The following ANKRD31 variants were observed in gnomAD, a reference collection of about 807,000 sequenced individuals.
ANKRD31 encodes ankyrin repeat domain 31, also known as ankyrin repeat domain-containing protein 31.
A neutral mutation model predicts 186.0 loss-of-function variants in ANKRD31; 147 were observed. The ratio of observed to expected loss-of-function variants is 0.79; its 90% CI spans 0.69 to 0.91. ANKRD31 has a LOEUF of 0.91. Among genes scored for constraint, ANKRD31 ranks in the 40% least tolerant of loss-of-function variants. ANKRD31 has a pLI of 0.00. For synonymous variants in ANKRD31, 673 were observed against 736.4 expected, an observed-to-expected ratio of 0.91 and a Z score of 1.39; for missense variants, 1,986 against 2,148.8, an observed-to-expected ratio of 0.92 and a Z score of 1.50.
rs371765527 is a variant in ANKRD31 at position 75,194,299 on chromosome 5, G to A, written c.1018-708C>T. Reference sequence around the variant, plus strand: ...AAGAGGGTTTATTTTTTTTCCTTTCGAAGACTTGCTAAATTCATATTCACT... The same window carrying A: ...AAGAGGGTTTATTTTTTTTCCTTTCAAAGACTTGCTAAATTCATATTCACT... On this transcript the variant is annotated intron_variant, in intron 7 of 25. Coordinates refer to ENST00000506364, the MANE Select transcript of ANKRD31 (RefSeq NM_001372053.1). 4.9e-4 allele frequency among the ~76,000 whole-genome samples: 75 copies of A among 151,534 alleles called. No individual in the cohort carries two copies. The East Asian group carries it at 8.3e-3, about 17-fold the overall frequency.
intron 25 of ANKRD31, among the ~76,000 whole-genome samples, chr5:75,075,171 C>T (rs1408755744): frequency 6.6e-6 from 1 of 152,186 alleles, no homozygotes; most frequent in African/African-American, 2.4e-5. Flanking sequence ...CTGTAAGCCC[C>T]AGTCTGTGCT....
Position 75,154,339 on chromosome 5 carries a change from C to T in ANKRD31, c.1714G>A (p.Glu572Lys). 6.5e-7 allele frequency: 1 copy of T among 1,528,040 alleles called. No individual in the cohort carries two copies. The highest frequency in any genetic ancestry group is 1.4e-5 in the African/African-American group (1 of 72,542). The allele number at this position is 1,528,040 out of a possible 1,614,324, so 94.7% of individuals were successfully genotyped here. A position where few individuals can be genotyped will look rare whatever the true frequency, so the allele number is the denominator to read the frequency against. The stretch of plus-strand genomic sequence containing the variant: ...TCAGCTCCATTCAGAAGAAGTAACT[C>T]TGCCACCTAGAAAAAGGTTATTTAT... ...AVMNGHYKVA[E>K]LLLLNGADPL... The change falls in exon 12 of 26, where the codon GAG becomes AAG. Residue 572 changes from glutamate to lysine, a missense_variant. Physicochemically the swap from Glu to Lys is moderately conservative, Grantham distance 56. Coordinates refer to ENST00000506364, the MANE Select transcript of ANKRD31 (RefSeq NM_001372053.1).
At chr5:75,233,235 G>A (rs1758062348) in intron 1 of ANKRD31, among the ~76,000 whole-genome samples, 2 of 151,628 alleles carry the variant, frequency 1.3e-5, no homozygotes, top group South Asian at 4.2e-4. Flanking sequence ...GTTAATTTTT[G>A]TATTTTTAAT....
chr5:75,231,629 G>C (rs573909226), intron 1 of ANKRD31, among the ~76,000 whole-genome samples: 2 of 152,196 alleles, frequency 1.3e-5, no homozygotes, highest in Middle Eastern at 3.4e-3. Flanking sequence ...AATACAAATA[G>C]CCAACAAGTA....
intron 22 of ANKRD31, among the ~76,000 whole-genome samples, chr5:75,099,191 T>A (rs1349225152): frequency 6.6e-6 from 1 of 152,206 alleles, no homozygotes; most frequent in Non-Finnish European, 1.5e-5. Context: ...GAGATAATCA[T>A]GGGGTTTTTG....
At position 75,179,502 on chromosome 5, in the gene ANKRD31, C is replaced by T. The variant is rs1235739509; in HGVS notation, c.1564+8991G>A. 4.4e-4 allele frequency among the ~76,000 whole-genome samples: 67 copies of T among 152,062 alleles called. 1 individual carries two copies. The highest frequency in any genetic ancestry group is 4.2e-3 in the Admixed American group (64 of 15,258). On this transcript the variant is annotated intron_variant, in intron 10 of 25. Transcript: ENST00000506364. ...AATCCTCAATAAAATACTGGCAAAC[C>T]GAATCCAACAGCACATCAAAAAGTT...
intron 6 of ANKRD31, 133 bp from the exon 7 acceptor site, chr5:75,196,333 C>T: frequency 1.5e-6 from 1 of 680,056 alleles, no homozygotes; most frequent in African/African-American, 1.9e-5. Context: ...TCCTTCCCTT[C>T]CATAAATAAA....
intron 4 of ANKRD31, among the ~76,000 whole-genome samples, chr5:75,209,767 T>C (rs1329728504): frequency 1.3e-5 from 2 of 152,206 alleles, no homozygotes; most frequent in East Asian, 3.8e-4. Context: ...AAAATATATA[T>C]ACTCAAAGGT....
In ANKRD31 at chr5:75,190,493, C is replaced by T. The variant is rs1443187625; in HGVS notation, c.1409-1845G>A. ...TTGTGTGGTGAACTGGTATTATTTC[C>T]CCCTTATATATTTTGTAGAATTCAC... On this transcript the variant is annotated intron_variant, in intron 9 of 25. Transcript: ENST00000506364. 2.0e-5 allele frequency among the ~76,000 whole-genome samples: 3 copies of T among 151,642 alleles called. No individual in the cohort carries two copies. The East Asian group carries it at 5.8e-4, about 29-fold the overall frequency.
intron 22 of ANKRD31, 109 bp from the exon 23 acceptor site, chr5:75,091,510 A>C: frequency 1.0e-6 from 1 of 983,082 alleles, no homozygotes; most frequent in Non-Finnish European, 1.4e-6. Flanking sequence ...CTAACACCTG[A>C]TGTATTTTTG....
intron 10 of ANKRD31, among the ~76,000 whole-genome samples, chr5:75,179,382 G>C (rs577823587): frequency 7.9e-5 from 12 of 152,210 alleles, no homozygotes; most frequent in Admixed American, 7.8e-4. Context: ...TAACTCATTT[G>C]ATGAGGCCAG....
At position 75,146,957 on chromosome 5, in the gene ANKRD31, A is replaced by T. The variant is rs1249400590; in HGVS notation, c.2454T>A (p.Ser818Arg). 1 of 1,536,392 alleles carries T rather than the reference A, an allele frequency of 6.5e-7. No individual in the cohort carries two copies. The highest frequency in any genetic ancestry group is 2.4e-5 in the East Asian group (1 of 40,880). ...CTAATTCCAAGCATTGAACTTCTTG[A>T]CTATCTGATAAATCCAGGTTCTGGA... ...KHIQNLDLSD[S>R]QEVQCLELES... The change falls in exon 14 of 26, where the codon AGT (serine) becomes AGA (arginine). Residue 818 changes from serine to arginine, a missense_variant. Physicochemically the swap from Ser to Arg is moderately radical, Grantham distance 110. Coordinates refer to ENST00000506364, the MANE Select transcript of ANKRD31 (RefSeq NM_001372053.1).
intron 12 of ANKRD31, 98 bp downstream of exon 12, chr5:75,154,103 C>T: frequency 8.4e-7 from 1 of 1,187,566 alleles, no homozygotes. Context: ...TTTCTCAACA[C>T]TCATGAGAAA....
intron 10 of ANKRD31, among the ~76,000 whole-genome samples, chr5:75,177,085 T>C (rs1753870052): frequency 6.6e-6 from 1 of 152,048 alleles, no homozygotes; most frequent in Admixed American, 6.6e-5. Flanking sequence ...ACGTGACAAA[T>C]GCACAAGCCT....
At chr5:75,144,666 A>T (rs1751301191) in intron 14 of ANKRD31, among the ~76,000 whole-genome samples, 1 of 152,140 alleles carries the variant, frequency 6.6e-6, no homozygotes, top group African/African-American at 2.4e-5. Context: ...AGGCAATACC[A>T]TTCAGGACAT....
At position 75,174,650 on chromosome 5, in the gene ANKRD31, C is replaced by T. The variant is rs1431783705; in HGVS notation, c.1565-5529G>A. 5.3e-5 allele frequency among the ~76,000 whole-genome samples: 8 copies of T among 152,196 alleles called. No homozygotes were observed. The East Asian group carries it at 1.3e-3, about 26-fold the overall frequency. ...AAAAATGCTCATCATCACTGATCAT[C>T]AGAGAAATGCAAATCAAAACCACAA... is the stretch of plus-strand genomic sequence containing the variant. On this transcript the variant is annotated intron_variant, in intron 10 of 25. Coordinates refer to ENST00000506364, the MANE Select transcript of ANKRD31 (RefSeq NM_001372053.1).
chr5:75,211,202 T>C, intron 3 of ANKRD31, among the ~76,000 whole-genome samples: 1 of 152,226 alleles, frequency 6.6e-6, no homozygotes, highest in Non-Finnish European at 1.5e-5. Context: ...GCTTTCTGTC[T>C]TTATTGATTT....
chr5:75,190,357 C>G (rs562726573), intron 9 of ANKRD31, among the ~76,000 whole-genome samples: 1 of 152,270 alleles, frequency 6.6e-6, no homozygotes, highest in East Asian at 1.9e-4. Context: ...ATGAAGGATA[C>G]TTAGTCTAAT....
rs72014745 is a variant in ANKRD31 at position 75,167,174 on chromosome 5, A to ATT, written c.1707+1803_1707+1804dup. On this transcript the variant is annotated intron_variant, in intron 11 of 25. Transcript: ENST00000506364. ...AAATTAATGGAATGGTAAGATGTGGATTTTTTTTTTTTACTGCTTTTTCAC... is the reference window on the plus strand; with the variant it reads ...AAATTAATGGAATGGTAAGATGTGGATTTTTTTTTTTTTTACTGCTTTTTCAC... Among the ~76,000 whole-genome samples, 111 of 146,668 alleles carry ATT rather than the reference A, an allele frequency of 7.6e-4. 1 individual carries two copies. The highest frequency in any genetic ancestry group is 2.6e-3 in the African/African-American group (105 of 40,298).
Sources: gnomAD v4.1 joint callset for allele counts (sites outside exome capture counted in the v4.1 genomes callset) on GRCh38, gnomAD v4.1.1 for gene constraint, MANE v1.5 for transcripts, NCBI Gene and HGNC (gene_info 2026-07-23, HGNC 2026-07-21) for gene names.